PCDHGB2: variants seen among roughly 807,000 people sequenced by gnomAD.
PCDHGB2 encodes protocadherin gamma-B2.
In PCDHGB2, 55 loss-of-function variants were observed where a neutral mutation model predicts 59.3. The observed-to-expected ratio is 0.93, with a 90% CI of 0.75 to 1.16. The LOEUF (loss-of-function observed/expected upper bound fraction) is 1.16, where lower values mean the gene tolerates loss of function less well. Ranked by LOEUF, PCDHGB2 falls within the 50% of genes most tolerant of loss-of-function variation. The pLI is 0.00. For missense variants in PCDHGB2, 1,228 were observed against 1,198.5 expected (o/e 1.02, Z -0.36); for synonymous variants, 516 against 512.0 (o/e 1.01, Z -0.11).
intron 1 of PCDHGB2, among the ~76,000 whole-genome samples, chr5:141,363,501 C>A (rs187528196): frequency 6.6e-6 from 1 of 152,306 alleles, no homozygotes; most frequent in East Asian, 1.9e-4. Flanking sequence ...AATAAAACCC[C>A]ATCCTCCACA....
rs539901154 is a variant in PCDHGB2, at chr5:141,413,036, T to C, written c.2421+50480T>C. 238 of 805,778 alleles carry C rather than the reference T, an allele frequency of 3.0e-4. 1 individual carries two copies. Among genetic ancestry groups the C allele is most frequent in the Non-Finnish European group, 4.2e-4 (226 of 532,568 alleles). 49.9% of individuals were successfully genotyped at this position (805,778 alleles called of 1,614,324 possible). On this transcript the variant is annotated intron_variant, in intron 1 of 3. Transcript: ENST00000522605. ...TACACAAGCCCCACAAACCGGCTGC[T>C]GGGCTGCAGGGAAGCTCACTCCAGA...
At chr5:141,387,885 A>C (rs748815627) in intron 1 of PCDHGB2, 1 of 1,578,800 alleles carries the variant, frequency 6.3e-7, no homozygotes, top group Non-Finnish European at 8.6e-7. Flanking sequence ...AGCAAGAGGG[A>C]TGGGGAGCGG....
chr5:141,419,933 C>CTGG (rs1192896428), intron 1 of PCDHGB2: 1 of 1,613,952 alleles, frequency 6.2e-7, no homozygotes, highest in African/African-American at 1.3e-5. Context: ...GCAGTTTTAC[C>CTGG]TGGTGGTGGC....
intron 1 of PCDHGB2, among the ~76,000 whole-genome samples, chr5:141,466,519 C>A (rs1406838553): frequency 6.6e-6 from 1 of 151,864 alleles, no homozygotes; most frequent in Non-Finnish European, 1.5e-5. Flanking sequence ...CATTTTTTTT[C>A]CTCCCAAATT....
intron 1 of PCDHGB2, among the ~76,000 whole-genome samples, chr5:141,450,812 T>A (rs2098694727): frequency 7.5e-6 from 1 of 133,924 alleles, no homozygotes; most frequent in Admixed American, 7.4e-5. Context: ...ATTTATTTAT[T>A]TAATATTATT....
chr5:141,459,548 C>G (rs980305784), intron 1 of PCDHGB2, among the ~76,000 whole-genome samples: 2 of 152,036 alleles, frequency 1.3e-5, no homozygotes, highest in African/African-American at 4.8e-5. Flanking sequence ...TTTTATTTCT[C>G]TTGGATAAAT....
At position 141,432,360 on chromosome 5, in the gene PCDHGB2, C is replaced by T; in HGVS notation, c.2422-62447C>T. On this transcript the variant is annotated intron_variant, in intron 1 of 3. Transcript: ENST00000522605. This position sits in a 1 kb window ranked among gnomAD's most constrained non-coding sequence, Gnocchi z 6.0. Reference sequence around the variant, plus strand: ...CGAGACTTGCAAGTGAAAGTGATGGCGCGGGACAACGGGCACCCGCCCCTC... The same window carrying T: ...CGAGACTTGCAAGTGAAAGTGATGGTGCGGGACAACGGGCACCCGCCCCTC... 1.9e-6 allele frequency: 3 copies of T among 1,614,228 alleles called. No individual in the cohort carries two copies. The highest frequency in any genetic ancestry group is 1.1e-5 in the South Asian group (1 of 91,088).
chr5:141,475,885 A>T, intron 1 of PCDHGB2: 1 of 556,524 alleles, frequency 1.8e-6, no homozygotes, highest in Non-Finnish European at 3.2e-6. Flanking sequence ...ATTGGCTGGG[A>T]CTCTGTGTGC....
In PCDHGB2 at chr5:141,486,223, C is replaced by G. The variant is rs1164723634; in HGVS notation, c.2422-8584C>G. ...ACGTAAATGACAATGCCCCTTACATCACAGTGACCTCAGAGCTTGGAACCC... is the reference window on the plus strand; with the variant it reads ...ACGTAAATGACAATGCCCCTTACATGACAGTGACCTCAGAGCTTGGAACCC... On this transcript the variant is annotated intron_variant, in intron 1 of 3. Coordinates refer to ENST00000522605, the MANE Select transcript of PCDHGB2 (RefSeq NM_018923.3). The surrounding 1 kb of genome is among the most constrained non-coding windows in gnomAD (Gnocchi z 5.0). The G allele has an allele frequency of 6.2e-7, 1 of 1,614,148 alleles. No homozygotes were observed. Among genetic ancestry groups the G allele is most frequent in the Admixed American group, 1.7e-5 (1 of 60,032 alleles).
chr5:141,369,001 A>G (rs974961840), intron 1 of PCDHGB2, among the ~76,000 whole-genome samples: 2 of 152,152 alleles, frequency 1.3e-5, no homozygotes, highest in Non-Finnish European at 2.9e-5. Flanking sequence ...TCGGTGTGGA[A>G]CTCATTGCTT....
At position 141,476,395 on chromosome 5, in the gene PCDHGB2, T is replaced by C. The variant is rs545562470; in HGVS notation, c.2422-18412T>C. 4 of 1,614,020 alleles carry C rather than the reference T, an allele frequency of 2.5e-6. 1 individual carries two copies. In the South Asian group the frequency reaches 4.4e-5, roughly 18 times the overall value. On this transcript the variant is annotated intron_variant, in intron 1 of 3. Transcript: ENST00000522605. This position sits in a 1 kb window ranked among gnomAD's most constrained non-coding sequence, Gnocchi z 7.6. ...AGATGTTTGTGAACGACCGTCTGGATCGAGAGGAGCTGTGTGGGACACTGC... is the reference window on the plus strand; with the variant it reads ...AGATGTTTGTGAACGACCGTCTGGACCGAGAGGAGCTGTGTGGGACACTGC...
intron 1 of PCDHGB2, among the ~76,000 whole-genome samples, chr5:141,435,710 C>T (rs1033703743): frequency 1.3e-5 from 2 of 152,148 alleles, no homozygotes; most frequent in Admixed American, 6.5e-5. Flanking sequence ...TGGTTACAGA[C>T]ACTGAATGCT....
At chr5:141,416,652 A>T (rs1028914487) in intron 1 of PCDHGB2, 1 of 152,240 alleles carries the variant, frequency 6.6e-6, no homozygotes, top group Non-Finnish European at 1.5e-5. Context: ...ACAGCTGTAA[A>T]AAAGAAAAGA....
At chr5:141,443,792 A>G (rs540226154) in intron 1 of PCDHGB2, among the ~76,000 whole-genome samples, 67 of 152,366 alleles carry the variant, frequency 4.4e-4, no homozygotes, top group African/African-American at 1.4e-3. Flanking sequence ...AAAAAAAATG[A>G]AAAGGAAACA....
chr5:141,425,194 A>G (rs1464968527), intron 1 of PCDHGB2, among the ~76,000 whole-genome samples: 1 of 152,206 alleles, frequency 6.6e-6, no homozygotes, highest in Non-Finnish European at 1.5e-5. Context: ...CAAACTGAGA[A>G]AAATGATGTA....
chr5:141,462,552 T>A (rs966816379), intron 1 of PCDHGB2, among the ~76,000 whole-genome samples: 1 of 152,194 alleles, frequency 6.6e-6, no homozygotes, highest in Non-Finnish European at 1.5e-5. Context: ...TCTTCTTCAG[T>A]GTTTACTGTA....
At chr5:141,453,652 T>C (rs1302902554) in intron 1 of PCDHGB2, among the ~76,000 whole-genome samples, 1 of 152,252 alleles carries the variant, frequency 6.6e-6, no homozygotes, top group Non-Finnish European at 1.5e-5. Context: ...TTATGTCCTC[T>C]TCTTTCTTAC....
chr5:141,491,898 G>A lies in PCDHGB2; in HGVS notation c.2422-2909G>A, dbSNP rs772673872. 1.6e-5 allele frequency: 23 copies of A among 1,428,816 alleles called. No homozygotes were observed. The highest frequency in any genetic ancestry group is 3.0e-5 in the South Asian group (2 of 66,966). The allele number at this position is 1,428,816 out of a possible 1,614,324, so 88.5% of individuals were successfully genotyped here. A position where few individuals can be genotyped will look rare whatever the true frequency, so the allele number is the denominator to read the frequency against. ...ATTAAGGGATGGGGCTCCGAGCACC[G>A]GGGGTGGTGGCGACTGTGGGCGAGG... On this transcript the variant is annotated intron_variant, in intron 1 of 3. Coordinates refer to ENST00000522605, the MANE Select transcript of PCDHGB2 (RefSeq NM_018923.3). This position sits in a 1 kb window ranked among gnomAD's most constrained non-coding sequence, Gnocchi z 6.9.
intron 1 of PCDHGB2, among the ~76,000 whole-genome samples, chr5:141,406,302 C>T (rs897412289): frequency 1.3e-4 from 20 of 152,020 alleles, no homozygotes; most frequent in African/African-American, 4.8e-4. Context: ...GAGGTGTGAA[C>T]CACCTCACCC....
Sources: allele counts gnomAD v4.1 joint callset (sites outside exome capture counted in the v4.1 genomes callset), GRCh38; gene constraint gnomAD v4.1.1; non-coding constraint Gnocchi (gnomAD v3.1); transcripts MANE v1.5; gene names NCBI Gene and HGNC (gene_info 2026-07-23, HGNC 2026-07-21).